AOAH: variants seen among roughly 807,000 people sequenced by gnomAD.
The protein encoded by AOAH is acyloxyacyl hydrolase, also known as acyloxyacyl hydrolase (neutrophil).
A neutral mutation model predicts 92.2 loss-of-function variants in AOAH; 64 were observed. The ratio of observed to expected loss-of-function variants is 0.69; its 90% confidence interval spans 0.57 to 0.86. The LOEUF is 0.86. AOAH is among the 40% of genes least tolerant of loss of function. The pLI, the probability that AOAH is intolerant of heterozygous loss-of-function variation, is 0.00. For synonymous variants in AOAH, 263 were observed against 254.5 expected (o/e 1.03, Z -0.32); for missense variants, 656 against 694.6 (o/e 0.94, Z 0.62).
intron 13 of AOAH, among the ~76,000 whole-genome samples, chr7:36,565,693 T>C (rs1196363860): frequency 6.6e-6 from 1 of 151,884 alleles, no homozygotes. Context: ...CCACCACAAC[T>C]GGCTGATTTT....
intron 11 of AOAH, among the ~76,000 whole-genome samples, chr7:36,612,841 T>C (rs1259843749): frequency 6.6e-6 from 1 of 152,262 alleles, no homozygotes; most frequent in Non-Finnish European, 1.5e-5. Context: ...TTATATTTAC[T>C]GGTTATGTTC....
intron 1 of AOAH, among the ~76,000 whole-genome samples, chr7:36,687,697 T>C (rs1029950185): frequency 6.6e-6 from 1 of 151,998 alleles, no homozygotes; most frequent in African/African-American, 2.4e-5. Context: ...CAAAGGAAGG[T>C]TTATGTCCTA....
At chr7:36,635,641 C>T (rs1429017750) in intron 5 of AOAH, among the ~76,000 whole-genome samples, 3 of 152,094 alleles carry the variant, frequency 2.0e-5, no homozygotes, top group South Asian at 2.1e-4. Flanking sequence ...TCCCAATATC[C>T]GCATAGCCTG....
At chr7:36,678,911 A>C (rs775910587) in intron 2 of AOAH, among the ~76,000 whole-genome samples, 4 of 152,220 alleles carry the variant, frequency 2.6e-5, no homozygotes, top group Non-Finnish European at 4.4e-5. Flanking sequence ...TTTGGCATTT[A>C]CATATTGACA....
At chr7:36,553,221 T>A (rs937067712) in intron 13 of AOAH, among the ~76,000 whole-genome samples, 2 of 150,908 alleles carry the variant, frequency 1.3e-5, no homozygotes, top group Non-Finnish European at 2.9e-5. Context: ...CATGCGGTGT[T>A]TGGTTTTTTG....
intron 20 of AOAH, among the ~76,000 whole-genome samples, chr7:36,517,216 C>CTTTCTTTCTT (rs1783809687): frequency 2.7e-5 from 1 of 36,766 alleles, no homozygotes; most frequent in African/African-American, 7.7e-5. Context: ...CTTTCTTTCT[C>CTTTCTTTCTT]TTTCTTTCTG....
chr7:36,714,594 C>A (rs1799001906), intron 1 of AOAH, among the ~76,000 whole-genome samples: 1 of 152,152 alleles, frequency 6.6e-6, no homozygotes, highest in Admixed American at 6.5e-5. Context: ...TACTGGCAAA[C>A]CAAATCCAGC....
At chr7:36,705,898 A>G (rs1798370446) in intron 1 of AOAH, among the ~76,000 whole-genome samples, 1 of 152,244 alleles carries the variant, frequency 6.6e-6, no homozygotes, top group African/African-American at 2.4e-5. Flanking sequence ...GACAAGAACA[A>G]GCAATGAGGA....
chr7:36,719,273 A>G (rs1274208707), intron 1 of AOAH, among the ~76,000 whole-genome samples: 1 of 152,236 alleles, frequency 6.6e-6, no homozygotes, highest in Non-Finnish European at 1.5e-5. Flanking sequence ...TGTGTGGCTG[A>G]AGAGCACTTG....
intron 9 of AOAH, among the ~76,000 whole-genome samples, chr7:36,620,221 C>A (rs111956500): frequency 7.6e-4 from 116 of 152,168 alleles, no homozygotes; most frequent in African/African-American, 2.6e-3. Context: ...AAGCTTAACA[C>A]CCCACAAACT....
intron 1 of AOAH, among the ~76,000 whole-genome samples, chr7:36,695,687 T>A (rs181212745): frequency 1.3e-5 from 2 of 152,356 alleles, no homozygotes; most frequent in Non-Finnish European, 2.9e-5. Context: ...TTATCAATCA[T>A]GTTAATTAAA....
intron 12 of AOAH, among the ~76,000 whole-genome samples, chr7:36,587,754 G>T (rs1165342863): frequency 6.6e-6 from 1 of 152,098 alleles, no homozygotes; most frequent in Non-Finnish European, 1.5e-5. Context: ...TTCTTTGAAA[G>T]CTCAAATTTT....
At chr7:36,699,222 T>A (rs960522592) in intron 1 of AOAH, among the ~76,000 whole-genome samples, 2 of 152,142 alleles carry the variant, frequency 1.3e-5, no homozygotes, top group African/African-American at 4.8e-5. Context: ...GGCACTGAGG[T>A]TGAGTTCATA....
chr7:36,569,537 C>CAT (rs1447237861), intron 13 of AOAH, among the ~76,000 whole-genome samples: 154 of 151,132 alleles, frequency 1.0e-3, no homozygotes, highest in African/African-American at 2.9e-3. Flanking sequence ...ACCAGATTTA[C>CAT]ATATATATAT....
chr7:36,673,951 G>T lies in AOAH; in HGVS notation c.282C>A (p.Ile94=). 1 of 1,608,922 alleles carries T rather than the reference G, an allele frequency of 6.2e-7. No individual in the cohort carries two copies. Among genetic ancestry groups the T allele is most frequent in the Non-Finnish European group, 8.5e-7 (1 of 1,175,886 alleles). The part of the protein sequence containing the change: ...YLVIDKFGSD[I]IKLLSADMNA... ...TGTCATGGCATACTCACAGTTTTAT[G>T]ATGTCTGATCCAAACTTGTCAATGA... Residue 94 remains isoleucine (I), a synonymous_variant, in exon 3 of 21, where the codon ATC becomes ATA. Transcript: ENST00000617537.
intron 11 of AOAH, among the ~76,000 whole-genome samples, chr7:36,606,959 C>T (rs937199392): frequency 2.6e-5 from 4 of 152,130 alleles, no homozygotes; most frequent in Admixed American, 2.0e-4. Context: ...GACTCAGAAC[C>T]CTTTGTGTCT....
chr7:36,603,517 T>C (rs557902576), intron 11 of AOAH, among the ~76,000 whole-genome samples: 1 of 152,352 alleles, frequency 6.6e-6, no homozygotes, highest in African/African-American at 2.4e-5. Context: ...TGACTGCACC[T>C]AACCCTCTAG....
At chr7:36,532,396 T>C (rs910860205) in intron 16 of AOAH, 52 bp from the exon 17 acceptor site, 3 of 1,574,078 alleles carry the variant, frequency 1.9e-6, no homozygotes, top group African/African-American at 2.7e-5. Context: ...ATAGCAGCAT[T>C]TAGAGGCACC....
chr7:36,600,146 T>C (rs1790443898), intron 11 of AOAH: 1 of 152,250 alleles, frequency 6.6e-6, no homozygotes, highest in African/African-American at 2.4e-5. Context: ...TGCCAGGCAC[T>C]GAGACAGGAA....
Sources: allele counts gnomAD v4.1 joint callset (sites outside exome capture counted in the v4.1 genomes callset), GRCh38; gene constraint gnomAD v4.1.1; transcripts MANE v1.5; gene names NCBI Gene and HGNC (gene_info 2026-07-23, HGNC 2026-07-21).